The following CLIP4 variants were observed in gnomAD, a reference collection of about 807,000 sequenced individuals.
CLIP4 encodes the protein CAP-Gly domain containing linker protein family member 4.
A neutral mutation model predicts 73.1 loss-of-function variants in CLIP4; 47 were observed. That is an observed-to-expected ratio of 0.64 (90% CI 0.51 to 0.82). The LOEUF (loss-of-function observed/expected upper bound fraction) is 0.82, where lower values mean the gene tolerates loss of function less well. Among genes scored for constraint, CLIP4 ranks in the 40% least tolerant of loss-of-function variants. The probability of loss-of-function intolerance (pLI) is 0.00; values close to 1 mark genes in which losing one functional copy is unlikely to be tolerated. For synonymous variants in CLIP4, 306 were observed against 295.4 expected (o/e 1.04, Z -0.37); for missense variants, 874 against 852.9 (o/e 1.02, Z -0.31).
At chr2:29,177,422 A>AT (rs1668407799) in intron 15 of CLIP4, among the ~76,000 whole-genome samples, 2 of 149,400 alleles carry the variant, frequency 1.3e-5, no homozygotes, top group Non-Finnish European at 3.0e-5. Context: ...AAAAAAAAAA[A>AT]ATACAAAAAT....
intron 2 of CLIP4, among the ~76,000 whole-genome samples, chr2:29,127,975 A>C (rs1260752671): frequency 6.6e-6 from 1 of 152,172 alleles, no homozygotes; most frequent in Non-Finnish European, 1.5e-5. Context: ...TCCAATTTCT[A>C]GGAATTTCAT....
rs1668707480 is a variant in CLIP4, at chr2:29,182,851, A to C, written c.*958A>C. ...CTGTCCTTTCCTCCTGGGATATGAG[A>C]AACATTTTAAAAAACGTATTTAACA... On this transcript the variant is annotated 3_prime_UTR_variant, in exon 16 of 16. Transcript: ENST00000320081. 6.6e-6 allele frequency: 1 copy of C among 152,668 alleles called. No homozygotes were observed. The highest frequency in any genetic ancestry group is 1.5e-5 in the Non-Finnish European group (1 of 68,048). The allele number at this position is 152,668 out of a possible 1,614,324, so 9.5% of individuals were successfully genotyped here.
intron 14 of CLIP4, among the ~76,000 whole-genome samples, chr2:29,169,317 C>T (rs148773789): frequency 0.013 from 1,852 of 144,092 alleles, 18 homozygotes; most frequent in Middle Eastern, 0.045. Context: ...TGTTTTCATG[C>T]GGTCTTTTTC....
At chr2:29,104,487 A>G (rs986577778) in intron 1 of CLIP4, among the ~76,000 whole-genome samples, 4 of 151,908 alleles carry the variant, frequency 2.6e-5, no homozygotes, top group African/African-American at 7.3e-5. Context: ...GGGTTTTGCT[A>G]TGTGGCCCAG....
intron 1 of CLIP4, among the ~76,000 whole-genome samples, chr2:29,105,779 C>T (rs1421611549): frequency 6.6e-6 from 1 of 152,172 alleles, no homozygotes; most frequent in Non-Finnish European, 1.5e-5. Context: ...TTCCTTCCCC[C>T]ATGTGAGGCT....
At chr2:29,119,437 A>G (rs781619623) in intron 1 of CLIP4, among the ~76,000 whole-genome samples, 27 of 152,278 alleles carry the variant, frequency 1.8e-4, no homozygotes, top group Admixed American at 5.2e-4. Context: ...AAGGGAAGTC[A>G]TGTGGTGACT....
chr2:29,183,295 T>A lies in CLIP4; in HGVS notation c.*1402T>A, dbSNP rs1668729116. On this transcript the variant is annotated 3_prime_UTR_variant, in exon 16 of 16. Coordinates refer to ENST00000320081, the MANE Select transcript of CLIP4 (RefSeq NM_024692.6). ...TTAGAAATAATATGTTGAACTATTT[T>A]GCAATATACTATTTTAAATCTAAAT... The A allele has an allele frequency of 1.3e-5, 2 of 152,764 alleles. No individual in the cohort carries two copies. The highest frequency in any genetic ancestry group is 1.5e-5 in the Non-Finnish European group (1 of 68,020). The allele number at this position is 152,764 out of a possible 1,614,324, so 9.5% of individuals were successfully genotyped here.
upstream of CLIP4, among the ~76,000 whole-genome samples, chr2:29,112,921 A>G (rs1668419891): frequency 6.6e-6 from 1 of 152,160 alleles, no homozygotes; most frequent in African/African-American, 2.4e-5. Context: ...CCCTTTTATC[A>G]TGGTCGGGGT....
At chr2:29,105,525 G>A (rs1301544931) in intron 1 of CLIP4, among the ~76,000 whole-genome samples, 2 of 152,162 alleles carry the variant, frequency 1.3e-5, no homozygotes, top group African/African-American at 4.8e-5. Context: ...GTCTCCAGAG[G>A]GCAGCCTCTC....
At chr2:29,136,188 G>GTT (rs549028917) in intron 6 of CLIP4, among the ~76,000 whole-genome samples, 2,238 of 144,180 alleles carry the variant, frequency 0.016, 45 homozygotes, top group East Asian at 0.046. Context: ...TGTTGTTGTT[G>GTT]TTTTTTTTTT....
At chr2:29,179,759 A>G (rs1223596640) in intron 15 of CLIP4, among the ~76,000 whole-genome samples, 1 of 152,258 alleles carries the variant, frequency 6.6e-6, no homozygotes, top group Non-Finnish European at 1.5e-5. Context: ...TCTCTTTAGT[A>G]ACAGAGCTCT....
In CLIP4 at chr2:29,143,793, A is replaced by G. The variant is rs1665954313; in HGVS notation, c.733A>G (p.Lys245Glu). 1.9e-6 allele frequency: 3 copies of G among 1,614,124 alleles called. No individual in the cohort carries two copies. Among genetic ancestry groups the G allele is most frequent in the Non-Finnish European group, 2.5e-6 (3 of 1,179,952 alleles). ...GATGGCTGACGCCGCAGCCACTGCT[A>G]AGGAAATCAAGCAGATGCTTCTAGA... ...LEMADAAATA[K>E]EIKQMLLDAV... Residue 245 changes from lysine (K) to glutamate (E), a missense_variant, in exon 7 of 16, where the codon AAG becomes GAG. Lys to Glu is a moderately conservative substitution (Grantham distance 56). Coordinates refer to ENST00000320081, the MANE Select transcript of CLIP4 (RefSeq NM_024692.6).
At chr2:29,180,861 T>TAC (rs573462140) in intron 15 of CLIP4, among the ~76,000 whole-genome samples, 32 of 148,664 alleles carry the variant, frequency 2.2e-4, no homozygotes, top group African/African-American at 7.2e-4. Flanking sequence ...TGTGTGTGTG[T>TAC]ACACATGTAT....
At chr2:29,174,771 G>C in intron 15 of CLIP4, 1 of 669,812 alleles carries the variant, frequency 1.5e-6, no homozygotes. Flanking sequence ...TAAGTAATGA[G>C]AGATTTGATT....
chr2:29,178,085 C>T (rs3100220), intron 15 of CLIP4, among the ~76,000 whole-genome samples: 150,858 of 152,346 alleles, frequency 0.99, 74,705 homozygotes, highest in Middle Eastern at 1. Flanking sequence ...AAACCAAATG[C>T]AAAAAGGTCA....
intron 9 of CLIP4, among the ~76,000 whole-genome samples, chr2:29,155,422 AC>A (rs1312986594): frequency 3.4e-5 from 5 of 149,198 alleles, no homozygotes; most frequent in Non-Finnish European, 7.5e-5. Flanking sequence ...ACACACACAC[AC>A]ACAAGAGTAC....
chr2:29,155,477 C>T (rs1349738948), intron 9 of CLIP4, among the ~76,000 whole-genome samples: 1 of 151,996 alleles, frequency 6.6e-6, no homozygotes, highest in Non-Finnish European at 1.5e-5. Flanking sequence ...TGTATCACTG[C>T]CAACATCCTG....
intron 8 of CLIP4, among the ~76,000 whole-genome samples, chr2:29,151,956 G>T (rs1326170569): frequency 6.6e-6 from 1 of 152,002 alleles, no homozygotes; most frequent in Admixed American, 6.6e-5. Flanking sequence ...TGCCCCTGCC[G>T]CTCCCCTCCC....
chr2:29,100,449 A>G (rs1028147333), intron 1 of CLIP4, among the ~76,000 whole-genome samples: 1 of 152,144 alleles, frequency 6.6e-6, no homozygotes, highest in African/African-American at 2.4e-5. Flanking sequence ...TCTACTGTTA[A>G]TATCTTCCAT....
Sources: gnomAD v4.1 joint callset for allele counts (sites outside exome capture counted in the v4.1 genomes callset) on GRCh38, gnomAD v4.1.1 for gene constraint, MANE v1.5 for transcripts, NCBI Gene and HGNC (gene_info 2026-07-23, HGNC 2026-07-21) for gene names.